The following UMAD1 variants were observed in gnomAD, a reference collection of about 807,000 sequenced individuals.
UMAD1 encodes UBAP1-MVB12-associated (UMA)-domain containing protein 1.
In UMAD1, 8 loss-of-function variants were observed where a neutral mutation model predicts 6.1. The observed-to-expected ratio is 1.30, with a 90% CI of 0.76 to 2.35. UMAD1 has a LOEUF of 2.35. Among genes scored for constraint, UMAD1 ranks in the 30% most tolerant of loss-of-function variants. The pLI, the probability that UMAD1 is intolerant of heterozygous loss-of-function variation, is 0.00. For synonymous variants in UMAD1, 56 were observed against 31.4 expected, an observed-to-expected ratio of 1.78 and a Z score of -2.61; for missense variants, 130 against 78.4, an observed-to-expected ratio of 1.66 and a Z score of -2.49.
intron 3 of UMAD1, among the ~76,000 whole-genome samples, chr7:7,847,536 A>T (rs889294289): frequency 6.6e-6 from 1 of 152,010 alleles, no homozygotes; most frequent in Admixed American, 6.6e-5. Flanking sequence ...TGTGCAGTCA[A>T]AATGAGTTGT....
intron 2 of UMAD1, among the ~76,000 whole-genome samples, chr7:7,738,329 T>C (rs1781400725): frequency 6.6e-6 from 1 of 152,174 alleles, no homozygotes; most frequent in South Asian, 2.1e-4. Flanking sequence ...ACATAAATCA[T>C]TGCTGTATTC....
intron 2 of UMAD1, 86 bp from the exon 3 acceptor site, chr7:7,801,584 C>A: frequency 1.5e-6 from 1 of 652,248 alleles, no homozygotes; most frequent in East Asian, 2.7e-5. Context: ...CATATAATAA[C>A]AAAAGATACT....
At chr7:7,821,289 C>A (rs1783237658) in intron 3 of UMAD1, among the ~76,000 whole-genome samples, 1 of 151,978 alleles carries the variant, frequency 6.6e-6, no homozygotes, top group South Asian at 2.1e-4. Context: ...ATGTAAAATA[C>A]ATGCTGGGAT....
chr7:7,826,491 G>A (rs191873025), intron 3 of UMAD1, among the ~76,000 whole-genome samples: 14 of 152,222 alleles, frequency 9.2e-5, no homozygotes, highest in Admixed American at 4.6e-4. Flanking sequence ...GGTCCTGTGC[G>A]TTAGCCACTC....
intron 2 of UMAD1, among the ~76,000 whole-genome samples, chr7:7,766,333 A>G (rs1246178519): frequency 2.6e-5 from 4 of 152,196 alleles, no homozygotes; most frequent in African/African-American, 4.8e-5. Context: ...AGGAAATAAA[A>G]CTTCTACTGT....
intron 1 of UMAD1, chr7:7,641,070 G>C (rs1256267929): frequency 6.5e-6 from 1 of 152,748 alleles, no homozygotes; most frequent in East Asian, 1.9e-4. Flanking sequence ...ATGGGCAGCG[G>C]GGTCATCAGT....
chr7:7,869,081 A>AGAC (rs528594485), intron 3 of UMAD1, among the ~76,000 whole-genome samples: 336 of 152,362 alleles, frequency 2.2e-3, no homozygotes, highest in Non-Finnish European at 4.1e-3. Context: ...ACTCTCAGGC[A>AGAC]TTTAATAGCT....
At chr7:7,663,770 A>G (rs7800719) in intron 1 of UMAD1, among the ~76,000 whole-genome samples, 99,218 of 151,956 alleles carry the variant, frequency 0.65, 32,632 homozygotes, top group East Asian at 0.87. Flanking sequence ...CCCCGGGGCA[A>G]TAACGAATGC....
chr7:7,873,050 C>T lies in UMAD1; in HGVS notation c.157-4231C>T, dbSNP rs538437192. Among the ~76,000 whole-genome samples the T allele has an allele frequency of 1.6e-4, 24 of 152,172 alleles. 1 individual carries two copies. The highest frequency in any genetic ancestry group is 3.3e-4 in the Admixed American group (5 of 15,284). ...TTTATTCACTTACTTTAACCTGTGCCGAGCACTGTTCTGCTTACTTATAAA... is the reference window on the plus strand; with the variant it reads ...TTTATTCACTTACTTTAACCTGTGCTGAGCACTGTTCTGCTTACTTATAAA... On this transcript the variant is annotated intron_variant, in intron 3 of 3. Coordinates refer to ENST00000682710, the MANE Select transcript of UMAD1 (RefSeq NM_001302348.2).
chr7:7,872,057 G>A (rs1019781418), intron 3 of UMAD1, among the ~76,000 whole-genome samples: 1 of 150,510 alleles, frequency 6.6e-6, no homozygotes, highest in Non-Finnish European at 1.5e-5. Flanking sequence ...TGTCCCATCA[G>A]TAAAGTCTGC....
intron 3 of UMAD1, among the ~76,000 whole-genome samples, chr7:7,856,385 G>A (rs1784018434): frequency 6.6e-6 from 1 of 152,220 alleles, no homozygotes; most frequent in Non-Finnish European, 1.5e-5. Flanking sequence ...GAGAGAGAAT[G>A]AGTGCCAGCA....
intron 3 of UMAD1, among the ~76,000 whole-genome samples, chr7:7,858,187 A>G (rs1436522033): frequency 6.6e-6 from 1 of 152,346 alleles, no homozygotes; most frequent in South Asian, 2.1e-4. Flanking sequence ...TAACGGTGGT[A>G]GTAGAAATAG....
chr7:7,741,444 G>A (rs1374715625), intron 2 of UMAD1, among the ~76,000 whole-genome samples: 2 of 151,726 alleles, frequency 1.3e-5, no homozygotes, highest in Non-Finnish European at 2.9e-5. Context: ...GGTGGCGTGC[G>A]CCTGTAGTCG....
intron 2 of UMAD1, among the ~76,000 whole-genome samples, chr7:7,784,544 A>G (rs527532024): frequency 2.0e-5 from 3 of 147,326 alleles, no homozygotes; most frequent in South Asian, 4.3e-4. Context: ...ATGAGGTTTC[A>G]CTGTGTTAGC....
intron 3 of UMAD1, among the ~76,000 whole-genome samples, chr7:7,819,221 A>T (rs1260869591): frequency 6.6e-6 from 1 of 152,152 alleles, no homozygotes; most frequent in East Asian, 1.9e-4. Context: ...ATAGTACAGG[A>T]CCTTCTTGCA....
At chr7:7,656,354 A>C (rs1225340462) in intron 1 of UMAD1, among the ~76,000 whole-genome samples, 1 of 151,554 alleles carries the variant, frequency 6.6e-6, no homozygotes, top group African/African-American at 2.4e-5. Context: ...TCTGGAGTAC[A>C]TGTACAGAAC....
intron 2 of UMAD1, among the ~76,000 whole-genome samples, chr7:7,734,367 TA>T (rs1781309436): frequency 6.6e-6 from 1 of 152,140 alleles, no homozygotes; most frequent in Non-Finnish European, 1.5e-5. Flanking sequence ...CTTTATTTAT[TA>T]TTAAGATTTT....
At chr7:7,789,347 T>C (rs1782519466) in intron 2 of UMAD1, among the ~76,000 whole-genome samples, 1 of 152,182 alleles carries the variant, frequency 6.6e-6, no homozygotes, top group South Asian at 2.1e-4. Context: ...ACAATGTGAA[T>C]ATGGAGTAGA....
chr7:7,676,531 C>G (rs897011672), intron 2 of UMAD1, among the ~76,000 whole-genome samples: 1 of 152,076 alleles, frequency 6.6e-6, no homozygotes, highest in Non-Finnish European at 1.5e-5. Context: ...TTATTGACAT[C>G]CTAACCTCTT....
Sources: allele counts gnomAD v4.1 joint callset (sites outside exome capture counted in the v4.1 genomes callset), GRCh38; gene constraint gnomAD v4.1.1; transcripts MANE v1.5; gene names NCBI Gene and HGNC (gene_info 2026-07-23, HGNC 2026-07-21).